CROCC2: variants seen among roughly 807,000 people sequenced by gnomAD.
CROCC2 encodes ciliary rootlet coiled-coil protein 2.
Under a neutral mutation model 177.6 loss-of-function variants are expected in CROCC2, and 163 were observed. The ratio of observed to expected loss-of-function variants is 0.92; its 90% CI spans 0.81 to 1.05. The LOEUF (loss-of-function observed/expected upper bound fraction) is 1.05. CROCC2 is among the 50% of genes least tolerant of loss of function. The pLI, the probability that CROCC2 is intolerant of heterozygous loss-of-function variation, is 0.00. For missense variants in CROCC2, 1,929 were observed against 1,797.8 expected (o/e 1.07, Z -1.32); for synonymous variants, 904 against 787.3 (o/e 1.15, Z -2.48).
chr2:240,934,313 T>C lies in CROCC2; in HGVS notation c.1647-18T>C. 1 of 1,547,536 alleles carries C rather than the reference T, an allele frequency of 6.5e-7. No individual in the cohort carries two copies. The highest frequency in any genetic ancestry group is 8.7e-7 in the Non-Finnish European group (1 of 1,146,398). ...GCTCACCCTGAGCGACCTCCCGCCC[T>C]CTGGTCTGGGGCCTCAGTCAAGGCC... On this transcript the variant is annotated intron_variant, in intron 11 of 31. Transcript: ENST00000690015.
At chr2:240,923,053 C>A (rs191270353) in intron 4 of CROCC2, among the ~76,000 whole-genome samples, 4 of 152,062 alleles carry the variant, frequency 2.6e-5, no homozygotes, top group Non-Finnish European at 4.4e-5. Context: ...TTGTACCCAT[C>A]GCTATCAGAC....
At chr2:240,962,601 G>A (rs2059650839) in intron 20 of CROCC2, among the ~76,000 whole-genome samples, 1 of 152,198 alleles carries the variant, frequency 6.6e-6, no homozygotes, top group Admixed American at 6.5e-5. Context: ...CGTGAAAACA[G>A]CCAGAAAGAG....
chr2:240,935,597 G>C lies in CROCC2; in HGVS notation c.2169+9G>C. 7.2e-7 allele frequency: 1 copy of C among 1,386,386 alleles called. No individual in the cohort carries two copies. The highest frequency in any genetic ancestry group is 9.3e-7 in the Non-Finnish European group (1 of 1,071,976). 85.9% of individuals were successfully genotyped at this position (1,386,386 alleles called of 1,614,324 possible). ...AGGAGCAGGTGGGCCAGGTGAGGACGTCTGCAGGGCATGCTGCCGCCGTCT... is the reference window on the plus strand; with the variant it reads ...AGGAGCAGGTGGGCCAGGTGAGGACCTCTGCAGGGCATGCTGCCGCCGTCT... On this transcript the variant is annotated intron_variant, in intron 14 of 31. Transcript: ENST00000690015.
intron 1 of CROCC2, among the ~76,000 whole-genome samples, chr2:240,916,011 G>A (rs960255039): frequency 1.3e-5 from 2 of 152,138 alleles, no homozygotes; most frequent in Non-Finnish European, 2.9e-5. Flanking sequence ...GGCGGGAAAC[G>A]GGCAGGCCCA....
At chr2:240,964,391 G>T in intron 21 of CROCC2, 75 bp from the exon 22 acceptor site, 1 of 1,525,302 alleles carries the variant, frequency 6.6e-7, no homozygotes, top group South Asian at 1.2e-5. Context: ...CACTAGGGGA[G>T]GCAGAGACCT....
chr2:240,962,035 C>T (rs2059644730), intron 20 of CROCC2, among the ~76,000 whole-genome samples: 2 of 31,636 alleles, frequency 6.3e-5, no homozygotes, highest in African/African-American at 1.7e-4. Context: ...CACACGCACG[C>T]ACACACGCGC....
chr2:240,959,192 C>A, intron 19 of CROCC2, 109 bp from the exon 20 acceptor site: 1 of 1,293,554 alleles, frequency 7.7e-7, no homozygotes, highest in Non-Finnish European at 1.0e-6. Flanking sequence ...ACCCGGCTCC[C>A]CCTCCCAGGC....
intron 29 of CROCC2, 57 bp downstream of exon 29, chr2:240,988,927 G>A: frequency 2.2e-6 from 3 of 1,336,738 alleles, no homozygotes. Flanking sequence ...ACCTGGGGTG[G>A]GATCCAGGAG....
rs1020264465 is a variant in CROCC2 at position 240,918,548 on chromosome 2, G to A, written c.79-178G>A. Among the ~76,000 whole-genome samples the A allele has an allele frequency of 2.0e-5, 3 of 152,318 alleles. No individual in the cohort carries two copies. Among genetic ancestry groups the A allele is most frequent in the East Asian group, 1.9e-4 (1 of 5,170 alleles). On this transcript the variant is annotated intron_variant, in intron 1 of 31. Coordinates refer to ENST00000690015, the MANE Select transcript of CROCC2 (RefSeq NM_001351305.2). This position sits in a 1 kb window ranked among gnomAD's most constrained non-coding sequence, Gnocchi z 6.3. ...CTGGGGACAGGCGCAGCCCCACTCC[G>A]CAGGTGCAGAACCAAGGCATGCGCC...
intron 22 of CROCC2, 136 bp from the exon 23 acceptor site, chr2:240,965,245 G>A: frequency 7.7e-7 from 1 of 1,297,188 alleles, no homozygotes; most frequent in African/African-American, 1.5e-5. Flanking sequence ...GGTCCTTTGG[G>A]GCACCTTAGC....
At chr2:240,957,164 C>T (rs948364495) in intron 19 of CROCC2, among the ~76,000 whole-genome samples, 2 of 152,162 alleles carry the variant, frequency 1.3e-5, no homozygotes, top group African/African-American at 2.4e-5. Context: ...CGAGGCTGAT[C>T]GCCAACCCCC....
chr2:240,940,984 C>T (rs2059491894), intron 14 of CROCC2, among the ~76,000 whole-genome samples: 1 of 152,124 alleles, frequency 6.6e-6, no homozygotes, highest in South Asian at 2.1e-4. Flanking sequence ...ATGAATTCAG[C>T]AAAGTTTCGG....
In CROCC2 at chr2:240,965,689, T is replaced by C; in HGVS notation, c.3657T>C (p.His1219=). The C allele has an allele frequency of 3.9e-6, 6 of 1,550,218 alleles. No homozygotes were observed. Among genetic ancestry groups the C allele is most frequent in the Non-Finnish European group, 5.2e-6 (6 of 1,146,846 alleles). Residue 1219 remains histidine (H), a synonymous_variant, in exon 24 of 32, where the codon CAT becomes CAC. Transcript: ENST00000690015. ...LAEVEAAGEA[H]GQRLQEHLRE... is the part of the protein sequence containing the mutation. ...AGGTGGAGGCCGCAGGGGAGGCCCATGGACAGCGGCTCCAGGAGCACCTCC... is the reference window on the plus strand; with the variant it reads ...AGGTGGAGGCCGCAGGGGAGGCCCACGGACAGCGGCTCCAGGAGCACCTCC...
At chr2:240,957,903 C>T in intron 19 of CROCC2, 1 of 888,028 alleles carries the variant, frequency 1.1e-6, no homozygotes, top group Non-Finnish European at 1.3e-6. Context: ...ACCCCGTGGG[C>T]AGGGACCCAG....
chr2:240,959,575 C>T, intron 20 of CROCC2, 131 bp downstream of exon 20: 1 of 1,233,998 alleles, frequency 8.1e-7, no homozygotes, highest in Non-Finnish European at 1.1e-6. Flanking sequence ...GAAGAGTAGT[C>T]CCTGGGACTA....
chr2:240,942,228 T>A (rs1352681539), intron 14 of CROCC2, among the ~76,000 whole-genome samples: 1 of 152,252 alleles, frequency 6.6e-6, no homozygotes, highest in Non-Finnish European at 1.5e-5. Flanking sequence ...TCTGTGTGTG[T>A]TGTTATAAAC....
In CROCC2 at chr2:240,968,195, T is replaced by C. The variant is rs1260691292; in HGVS notation, c.4334T>C (p.Leu1445Pro). 2.0e-6 allele frequency: 3 copies of C among 1,532,760 alleles called. No homozygotes were observed. Among genetic ancestry groups the C allele is most frequent in the Non-Finnish European group, 1.7e-6 (2 of 1,145,116 alleles). The allele number at this position is 1,532,760 out of a possible 1,614,324, so 94.9% of individuals were successfully genotyped here. The part of the protein sequence containing the change: ...RAARALQKEA[L>P]RRLELEHLAS... Reference sequence around the variant, plus strand: ...GCACGTGCCCTGCAGAAGGAGGCGCTCCGCAGGCTGGAGTTGGAGCACCTG... The same window carrying C: ...GCACGTGCCCTGCAGAAGGAGGCGCCCCGCAGGCTGGAGTTGGAGCACCTG... Residue 1445 changes from leucine to proline, a missense_variant, in exon 27 of 32, where the codon CTC becomes CCC. Leu to Pro is a moderately conservative substitution (Grantham distance 98, BLOSUM62 -3). Transcript: ENST00000690015.
intron 1 of CROCC2, among the ~76,000 whole-genome samples, chr2:240,909,380 ACCT>A (rs1306072221): frequency 6.6e-6 from 1 of 151,734 alleles, no homozygotes; most frequent in Non-Finnish European, 1.5e-5. Context: ...GGTGACCTCT[ACCT>A]CCTCCACCTG....
At chr2:240,941,905 T>C (rs1164314741) in intron 14 of CROCC2, among the ~76,000 whole-genome samples, 1 of 152,144 alleles carries the variant, frequency 6.6e-6, no homozygotes, top group Non-Finnish European at 1.5e-5. Flanking sequence ...AAAGCCTTTA[T>C]GAAAGGGGCT....
Sources: gnomAD v4.1 joint callset for allele counts (sites outside exome capture counted in the v4.1 genomes callset) on GRCh38, gnomAD v4.1.1 for gene constraint, Gnocchi (gnomAD v3.1) non-coding constraint, MANE v1.5 for transcripts, NCBI Gene and HGNC (gene_info 2026-07-23, HGNC 2026-07-21) for gene names.